ZFHX3: variants seen among roughly 807,000 people sequenced by gnomAD.
ZFHX3 encodes zinc finger homeobox 3, also known as zinc finger homeobox protein 3.
In ZFHX3, 42 loss-of-function variants were observed where a neutral mutation model predicts 279.1. That is an observed-to-expected ratio of 0.15 (90% confidence interval 0.12 to 0.19). The LOEUF (loss-of-function observed/expected upper bound fraction) is 0.19. ZFHX3 is among the 10% of genes least tolerant of loss of function. The pLI, the probability that ZFHX3 is intolerant of heterozygous loss-of-function variation, is 1.00. For synonymous variants in ZFHX3, 2,293 were observed against 1,957.8 expected (o/e 1.17, Z -4.52); for missense variants, 4,981 against 4,754.0 (o/e 1.05, Z -1.40).
intron 5 of ZFHX3, among the ~76,000 whole-genome samples, chr16:73,176,052 C>T (rs557573832): frequency 2.7e-4 from 41 of 152,320 alleles, no homozygotes; most frequent in African/African-American, 7.2e-4. Context: ...TTCTCCTCTC[C>T]AAATCCTGTA....
rs185975156 is a variant in ZFHX3, at chr16:73,593,392, C to G, written c.-1547+86788G>C. Among the ~76,000 whole-genome samples the G allele has an allele frequency of 5.7e-3, 866 of 152,192 alleles. 8 individuals are homozygous for G. Among genetic ancestry groups the G allele is most frequent in the South Asian group, 0.022 (104 of 4,824 alleles). On this transcript the variant is annotated intron_variant, in intron 2 of 17. Transcript: ENST00000641206. ...TAACTCAAGGATGAGCAAACTAAAT[C>G]TAGCAACAAATAAAAATGATAACAT...
At chr16:72,929,292 C>T (rs957590327) in intron 3 of ZFHX3, among the ~76,000 whole-genome samples, 1 of 151,218 alleles carries the variant, frequency 6.6e-6, no homozygotes, top group Non-Finnish European at 1.5e-5. Flanking sequence ...TACTGCTTAA[C>T]TCCACCTGGA....
At chr16:73,774,053 T>C (rs2054049944) in intron 1 of ZFHX3, among the ~76,000 whole-genome samples, 1 of 152,064 alleles carries the variant, frequency 6.6e-6, no homozygotes, top group African/African-American at 2.4e-5. Context: ...AGGAGGACTG[T>C]TTGAGCCCAG....
At chr16:73,598,146 C>A (rs2052071663) in intron 2 of ZFHX3, among the ~76,000 whole-genome samples, 1 of 152,122 alleles carries the variant, frequency 6.6e-6, no homozygotes, top group African/African-American at 2.4e-5. Context: ...AAGGGAGGGA[C>A]AGGACAGTTG....
chr16:73,332,052 C>A (rs567729851), intron 3 of ZFHX3, among the ~76,000 whole-genome samples: 1 of 152,316 alleles, frequency 6.6e-6, no homozygotes, highest in South Asian at 2.1e-4. Context: ...TGGCTTCAGA[C>A]AACGTGGCTT....
Position 72,957,860 on chromosome 16 carries a change from C to T in ZFHX3, c.2286G>A (p.Gly762=), listed in dbSNP as rs141353191. ...NNMQNLQNGG[G]EQVFSHTAGA... The stretch of plus-strand genomic sequence containing the variant: ...CGGCAGTGTGGCTGAAGACCTGCTC[C>T]CCCCCTCCATTCTGCAGGTTCTGCA... Residue 762 remains glycine, a synonymous_variant, in exon 2 of 10, where the codon GGG becomes GGA. Transcript: ENST00000268489. 6.8e-6 allele frequency: 11 copies of T among 1,613,992 alleles called. No individual in the cohort carries two copies. Among genetic ancestry groups the T allele is most frequent in the African/African-American group, 1.3e-5 (1 of 75,046 alleles).
At chr16:73,868,794 G>C (rs1860747281) in intron 1 of ZFHX3, among the ~76,000 whole-genome samples, 1 of 151,508 alleles carries the variant, frequency 6.6e-6, no homozygotes, top group African/African-American at 2.4e-5. Flanking sequence ...TTTTTTTAAT[G>C]AGCAGCTTTT....
At chr16:73,415,031 A>G (rs944589484) in intron 3 of ZFHX3, among the ~76,000 whole-genome samples, 2 of 152,146 alleles carry the variant, frequency 1.3e-5, no homozygotes, top group African/African-American at 4.8e-5. Context: ...ACCCATGATC[A>G]ATTCCTGGGT....
chr16:72,980,603 T>TAAA (rs112283136), intron 1 of ZFHX3, among the ~76,000 whole-genome samples: 1 of 126,940 alleles, frequency 7.9e-6, no homozygotes, highest in Non-Finnish European at 1.7e-5. Flanking sequence ...TACCAAAAGT[T>TAAA]AAAAAAAAAA....
At chr16:73,259,748 C>T (rs1006547215) in intron 4 of ZFHX3, among the ~76,000 whole-genome samples, 4 of 152,142 alleles carry the variant, frequency 2.6e-5, no homozygotes, top group Non-Finnish European at 5.9e-5. Context: ...ATTGTCTAAA[C>T]ATTAACATTT....
chr16:73,104,985 G>A (rs1156764041), intron 7 of ZFHX3, among the ~76,000 whole-genome samples: 1 of 152,176 alleles, frequency 6.6e-6, no homozygotes, highest in Admixed American at 6.6e-5. Context: ...AAGAAGAAGT[G>A]ATGCAAGCAT....
intron 1 of ZFHX3, among the ~76,000 whole-genome samples, chr16:73,751,236 G>C (rs2053759233): frequency 1.3e-5 from 2 of 152,178 alleles, no homozygotes; most frequent in African/African-American, 4.8e-5. Context: ...TTGTGCATTT[G>C]ACAAATGTTT....
intron 4 of ZFHX3, among the ~76,000 whole-genome samples, chr16:72,844,418 T>C (rs1288748268): frequency 6.6e-6 from 1 of 152,186 alleles, no homozygotes; most frequent in Non-Finnish European, 1.5e-5. Flanking sequence ...ATTTCTTTTC[T>C]ACTCTGCCTT....
At chr16:73,613,446 G>GTTT (rs34682920) in intron 2 of ZFHX3, among the ~76,000 whole-genome samples, 1 of 149,154 alleles carries the variant, frequency 6.7e-6, no homozygotes. Flanking sequence ...TGCTTTTTTT[G>GTTT]TTTGTTTGTT....
intron 1 of ZFHX3, among the ~76,000 whole-genome samples, chr16:73,721,589 G>A (rs1308276991): frequency 6.6e-6 from 1 of 152,136 alleles, no homozygotes; most frequent in African/African-American, 2.4e-5. Flanking sequence ...TTCCTAACCG[G>A]CATGCCCACC....
At chr16:73,061,153 G>C (rs1965677996), upstream of ZFHX3, 2 of 152,168 alleles carry the variant, frequency 1.3e-5, no homozygotes, top group Admixed American at 1.3e-4. Flanking sequence ...GCCAAGTCCA[G>C]CCTGGCTTGC....
chr16:72,804,117 T>A (rs7186905), intron 7 of ZFHX3, among the ~76,000 whole-genome samples: 112 of 152,282 alleles, frequency 7.4e-4, no homozygotes, highest in Middle Eastern at 3.4e-3. Flanking sequence ...GCTCAAAACC[T>A]CCCAGTTTAA....
In ZFHX3 at chr16:73,474,557, G is replaced by C. The variant is rs553419769; in HGVS notation, c.-1546-18299C>G. Among the ~76,000 whole-genome samples, 24 of 152,314 alleles carry C rather than the reference G, an allele frequency of 1.6e-4. 1 individual carries two copies. In the South Asian group the frequency reaches 5.0e-3, roughly 32 times the overall value. On this transcript the variant is annotated intron_variant, in intron 2 of 17. Coordinates refer to the ZFHX3 transcript ENST00000641206. Reference sequence around the variant, plus strand: ...TCCCAGAGGAGGAGGAGGAAGCAGTGGTGGGGGTGGCAGTGGAGGCAGCAG... The same window carrying C: ...TCCCAGAGGAGGAGGAGGAAGCAGTCGTGGGGGTGGCAGTGGAGGCAGCAG...
chr16:73,198,329 C>T (rs1029170544), intron 5 of ZFHX3, among the ~76,000 whole-genome samples: 3 of 151,012 alleles, frequency 2.0e-5, no homozygotes, highest in African/African-American at 7.3e-5. Context: ...TTATTCTCTT[C>T]CATGCTGGTA....
Sources: gnomAD v4.1 joint callset for allele counts (sites outside exome capture counted in the v4.1 genomes callset) on GRCh38, gnomAD v4.1.1 for gene constraint, MANE v1.5 for transcripts, NCBI Gene and HGNC (gene_info 2026-07-23, HGNC 2026-07-21) for gene names.